The following RAB3D variants were observed in gnomAD, a reference collection of about 807,000 sequenced individuals.
RAB3D encodes RAB3D, member RAS oncogene family.
In RAB3D, 17 loss-of-function variants were observed where a neutral mutation model predicts 19.3. That is an observed-to-expected ratio of 0.88 (90% confidence interval 0.60 to 1.32). The LOEUF is 1.32. Among genes scored for constraint, RAB3D ranks in the 40% most tolerant of loss-of-function variants. The probability of loss-of-function intolerance (pLI) is 0.00; values close to 1 mark genes in which losing one functional copy is unlikely to be tolerated. For missense variants in RAB3D, 223 were observed against 299.1 expected, an observed-to-expected ratio of 0.75 and a Z score of 1.88; for synonymous variants, 103 against 119.9, an observed-to-expected ratio of 0.86 and a Z score of 0.92.
chr19:11,338,210 T>C (rs945970911), intron 1 of RAB3D, among the ~76,000 whole-genome samples: 2 of 152,162 alleles, frequency 1.3e-5, no homozygotes, highest in Admixed American at 6.6e-5. Flanking sequence ...TGAGTCTGTA[T>C]TGGGGTGGAG....
At chr19:11,336,875 CAGA>C (rs1966900018) in intron 2 of RAB3D, among the ~76,000 whole-genome samples, 1 of 150,538 alleles carries the variant, frequency 6.6e-6, no homozygotes, top group Non-Finnish European at 1.5e-5. Flanking sequence ...GAGACTGAGG[CAGA>C]AGAATTGCTT....
chr19:11,335,876 G>C lies in RAB3D; in HGVS notation c.229-93C>G, dbSNP rs554734388. ...GCACTGCCCTGTACTCATAGCCCCA[G>C]CCTTACGGGGGAGACACAGACTTGC... On this transcript the variant is annotated intron_variant, in intron 2 of 4. Coordinates refer to ENST00000222120, the MANE Select transcript of RAB3D (RefSeq NM_004283.4). 1.3e-4 allele frequency: 155 copies of C among 1,165,382 alleles called. No individual in the cohort carries two copies. The East Asian group carries it at 2.7e-3, about 21-fold the overall frequency. 72.2% of individuals were successfully genotyped at this position (1,165,382 alleles called of 1,614,324 possible). A position where few individuals can be genotyped will look rare whatever the true frequency, so the allele number is the denominator to read the frequency against.
intron 1 of RAB3D, among the ~76,000 whole-genome samples, chr19:11,339,090 G>A (rs190315951): frequency 6.6e-6 from 1 of 152,356 alleles, no homozygotes; most frequent in African/African-American, 2.4e-5. Flanking sequence ...AGAAGAGGCA[G>A]GAAACCTTTC....
chr19:11,331,015 CAA>C (rs34766833), intron 4 of RAB3D, among the ~76,000 whole-genome samples: 44 of 120,642 alleles, frequency 3.6e-4, no homozygotes, highest in African/African-American at 7.2e-4. Flanking sequence ...GACCTTGCCT[CAA>C]AAAAAAAAAA....
chr19:11,325,928 A>C (rs948487883), intron 4 of RAB3D, among the ~76,000 whole-genome samples: 6 of 152,112 alleles, frequency 3.9e-5, no homozygotes, highest in Non-Finnish European at 7.3e-5. Context: ...TTTTTTAAAA[A>C]GTAGATGGGC....
chr19:11,331,291 G>A (rs982570660), intron 4 of RAB3D, among the ~76,000 whole-genome samples: 15 of 151,580 alleles, frequency 9.9e-5, no homozygotes, highest in Non-Finnish European at 1.9e-4. Context: ...GCAAGACTCC[G>A]TGTAAAAAAA....
Position 11,335,295 on chromosome 19 carries a change from C to A in RAB3D, c.472+152G>T, listed in dbSNP as rs316504. On this transcript the variant is annotated intron_variant, in intron 4 of 4. Transcript: ENST00000222120. ...GTGGGAGTTCCTGCGCGTGGATCCC[C>A]TGCAATTAGACGGGACATGTGGCAT... 1.0e-3 allele frequency: 1,190 copies of A among 1,159,506 alleles called. 10 individuals carry two copies. In the African/African-American group the frequency reaches 0.016, roughly 16 times the overall value. 71.8% of individuals were successfully genotyped at this position (1,159,506 alleles called of 1,614,324 possible).
At chr19:11,334,432 G>A (rs2080844980) in intron 4 of RAB3D, among the ~76,000 whole-genome samples, 1 of 152,086 alleles carries the variant, frequency 6.6e-6, no homozygotes, top group East Asian at 1.9e-4. Context: ...TCGCACCACT[G>A]CACTCTAGCC....
At chr19:11,328,830 A>G (rs1349760376) in intron 4 of RAB3D, among the ~76,000 whole-genome samples, 2 of 152,050 alleles carry the variant, frequency 1.3e-5, no homozygotes, top group African/African-American at 4.8e-5. Context: ...ACAAAAACAC[A>G]AAGAAATGTA....
chr19:11,330,843 C>T (rs541233459), intron 4 of RAB3D, among the ~76,000 whole-genome samples: 3 of 151,960 alleles, frequency 2.0e-5, no homozygotes, highest in East Asian at 3.9e-4. Flanking sequence ...AGCCACTGCG[C>T]CCGGCAAAAA....
intron 4 of RAB3D, among the ~76,000 whole-genome samples, chr19:11,326,576 G>C (rs146977771): frequency 6.6e-6 from 1 of 152,198 alleles, no homozygotes; most frequent in South Asian, 2.1e-4. Flanking sequence ...AGAAAGGCAT[G>C]GTCAGGAGAC....
rs2080787339 is a variant in RAB3D, at chr19:11,322,687, AT to A, written c.*2710del. 1 of 152,200 alleles carries A rather than the reference AT, an allele frequency of 6.6e-6. No individual in the cohort carries two copies. Among genetic ancestry groups the A allele is most frequent in the Admixed American group, 6.6e-5 (1 of 15,262 alleles). The allele number at this position is 152,200 out of a possible 1,614,324, so 9.4% of individuals were successfully genotyped here. ...TTTTAGAAGAAACAAATGTTCCCAT[AT>A]TATTCCCAGTTTTTGAGAGAATCCT... On this transcript the variant is annotated 3_prime_UTR_variant, in exon 5 of 5. Transcript: ENST00000222120.
At chr19:11,335,827 C>A in intron 2 of RAB3D, 44 bp from the exon 3 acceptor site, 1 of 1,556,756 alleles carries the variant, frequency 6.4e-7, no homozygotes, top group Non-Finnish European at 8.9e-7. Flanking sequence ...TACCTGTTTC[C>A]CAGTCCACCC....
chr19:11,335,398 G>C, intron 4 of RAB3D, 49 bp downstream of exon 4: 1 of 1,607,886 alleles, frequency 6.2e-7, no homozygotes, highest in Non-Finnish European at 8.5e-7. Context: ...ATGGGGATGA[G>C]GGTTTGGTTC....
At chr19:11,329,768 G>A (rs1045774630) in intron 4 of RAB3D, among the ~76,000 whole-genome samples, 123 of 149,864 alleles carry the variant, frequency 8.2e-4, no homozygotes, top group Non-Finnish European at 3.6e-4. Context: ...TGCAACCTCC[G>A]CCTCCCGGGT....
chr19:11,329,688 T>TTG (rs1471599567), intron 4 of RAB3D, among the ~76,000 whole-genome samples: 2 of 151,938 alleles, frequency 1.3e-5, no homozygotes, highest in East Asian at 3.9e-4. Flanking sequence ...AATCTTCTTT[T>TTG]TGTGTGTGTG....
chr19:11,331,703 G>A (rs950962795), intron 4 of RAB3D, among the ~76,000 whole-genome samples: 1 of 151,676 alleles, frequency 6.6e-6, no homozygotes, highest in African/African-American at 2.4e-5. Flanking sequence ...TGTTGCCCAG[G>A]CTGGTCTCTA....
intron 2 of RAB3D, 100 bp from the exon 3 acceptor site, chr19:11,335,883 G>C (rs184651962): frequency 1.0e-5 from 11 of 1,099,890 alleles, no homozygotes; most frequent in South Asian, 1.3e-5. Context: ...CCAGCCTTAC[G>C]GGGGAGACAC....
chr19:11,336,379 G>GCT (rs1190384715), intron 2 of RAB3D, among the ~76,000 whole-genome samples: 1 of 152,048 alleles, frequency 6.6e-6, no homozygotes, highest in East Asian at 1.9e-4. Flanking sequence ...TGCAATCATA[G>GCT]CTCACTGCAG....
Sources: allele counts gnomAD v4.1 joint callset (sites outside exome capture counted in the v4.1 genomes callset), GRCh38; gene constraint gnomAD v4.1.1; transcripts MANE v1.5; gene names NCBI Gene and HGNC (gene_info 2026-07-23, HGNC 2026-07-21).